BANK1: variants seen among roughly 807,000 people sequenced by gnomAD.
The protein encoded by BANK1 is B cell scaffold protein with ankyrin repeats 1.
Under a neutral mutation model 94.5 loss-of-function variants are expected in BANK1, and 95 were observed. The observed-to-expected ratio is 1.00, with a 90% CI of 0.85 to 1.19. The LOEUF (loss-of-function observed/expected upper bound fraction) is 1.19. BANK1 is among the 50% of genes most tolerant of loss of function. BANK1 has a pLI of 0.00. For missense variants in BANK1, 987 were observed against 932.2 expected (o/e 1.06, Z -0.77); for synonymous variants, 334 against 308.4 (o/e 1.08, Z -0.87).
intron 6 of BANK1, among the ~76,000 whole-genome samples, chr4:101,900,637 G>T (rs1463031434): frequency 6.6e-6 from 1 of 151,590 alleles, no homozygotes; most frequent in Non-Finnish European, 1.5e-5. Context: ...AGAGAGGACG[G>T]GTCTGTGTGT....
At chr4:101,988,999 T>C (rs917893374) in intron 7 of BANK1, among the ~76,000 whole-genome samples, 1 of 152,198 alleles carries the variant, frequency 6.6e-6, no homozygotes, top group East Asian at 1.9e-4. Context: ...TATATAACAT[T>C]CCTTATATAA....
In BANK1 at chr4:101,929,537, G is replaced by A. The variant is rs187084426; in HGVS notation, c.1206+11348G>A. On this transcript the variant is annotated intron_variant, in intron 7 of 16. Transcript: ENST00000322953. ...TTCTACTGTATATGGCTTTCAAAAC[G>A]AATGTAGGAAACAATATTTATCAAA... is the stretch of plus-strand genomic sequence containing the variant. 7.3e-5 allele frequency among the ~76,000 whole-genome samples: 11 copies of A among 151,522 alleles called. No individual in the cohort carries two copies. The East Asian group carries it at 1.8e-3, about 24-fold the overall frequency.
chr4:101,909,205 T>C (rs932240239), intron 6 of BANK1, among the ~76,000 whole-genome samples: 1 of 152,168 alleles, frequency 6.6e-6, no homozygotes, highest in Non-Finnish European at 1.5e-5. Flanking sequence ...TGGAATACTA[T>C]GCAGCCATAA....
chr4:101,832,091 A>G (rs989678802), intron 2 of BANK1, among the ~76,000 whole-genome samples: 1 of 152,220 alleles, frequency 6.6e-6, no homozygotes, highest in African/African-American at 2.4e-5. Context: ...GAATTGCTGA[A>G]TGTTTAAGAG....
chr4:101,940,807 G>A (rs1038010103), intron 7 of BANK1, among the ~76,000 whole-genome samples: 8 of 151,702 alleles, frequency 5.3e-5, no homozygotes, highest in Admixed American at 5.3e-4. Flanking sequence ...ATTGCTGATG[G>A]ATGTTTCCCT....
At chr4:101,836,887 C>T (rs2148866081) in intron 2 of BANK1, among the ~76,000 whole-genome samples, 1 of 152,298 alleles carries the variant, frequency 6.6e-6, no homozygotes, top group Middle Eastern at 3.4e-3. Context: ...CTTTCCCCAT[C>T]TTCTACATTC....
chr4:101,822,406 AAT>A (rs1464232723), intron 1 of BANK1, among the ~76,000 whole-genome samples: 3 of 151,962 alleles, frequency 2.0e-5, no homozygotes, highest in African/African-American at 7.2e-5. Context: ...ATGAGATAGT[AAT>A]GTTACTGATT....
chr4:101,997,760 T>C (rs1333390864), intron 7 of BANK1, among the ~76,000 whole-genome samples: 1 of 152,210 alleles, frequency 6.6e-6, no homozygotes, highest in African/African-American at 2.4e-5. Context: ...GTGGGATCAG[T>C]GGTAATATCC....
chr4:101,990,010 T>C (rs1358378828), intron 7 of BANK1, among the ~76,000 whole-genome samples: 2 of 152,172 alleles, frequency 1.3e-5, no homozygotes, highest in East Asian at 1.9e-4. Context: ...GTGGTGATAG[T>C]AGAAAATTAG....
At chr4:101,980,535 C>T (rs1444888227) in intron 7 of BANK1, among the ~76,000 whole-genome samples, 2 of 151,774 alleles carry the variant, frequency 1.3e-5, no homozygotes, top group Admixed American at 6.6e-5. Context: ...CCCCTCCTCC[C>T]GTTGCTCTTC....
At chr4:101,901,754 TG>T (rs1257052456) in intron 6 of BANK1, among the ~76,000 whole-genome samples, 4 of 42,208 alleles carry the variant, frequency 9.5e-5, no homozygotes, top group Non-Finnish European at 3.6e-4. Flanking sequence ...AGACGCTTTT[TG>T]TTTTTTTGTT....
intron 1 of BANK1, among the ~76,000 whole-genome samples, chr4:101,824,601 T>G (rs1726294080): frequency 6.6e-6 from 1 of 152,148 alleles, no homozygotes; most frequent in Non-Finnish European, 1.5e-5. Context: ...ATGATATATG[T>G]GTGTGTGATT....
At chr4:101,952,789 G>A (rs917053474) in intron 7 of BANK1, among the ~76,000 whole-genome samples, 1 of 152,052 alleles carries the variant, frequency 6.6e-6, no homozygotes, top group African/African-American at 2.4e-5. Context: ...GTTAAGAAAT[G>A]GCAAAGTAGA....
At chr4:101,826,918 A>G (rs911149709) in intron 1 of BANK1, among the ~76,000 whole-genome samples, 2 of 151,944 alleles carry the variant, frequency 1.3e-5, no homozygotes, top group African/African-American at 2.4e-5. Flanking sequence ...CATAAACCCA[A>G]TAATTCAATA....
At chr4:101,978,798 A>C (rs2148926472) in intron 7 of BANK1, among the ~76,000 whole-genome samples, 1 of 152,182 alleles carries the variant, frequency 6.6e-6, no homozygotes, top group Non-Finnish European at 1.5e-5. Context: ...ATACAGACTT[A>C]AATACAATAT....
At chr4:101,989,762 T>C (rs1560670571) in intron 7 of BANK1, among the ~76,000 whole-genome samples, 1 of 152,170 alleles carries the variant, frequency 6.6e-6, no homozygotes, top group African/African-American at 2.4e-5. Context: ...GTTATGTATT[T>C]TTTATAAGAA....
At chr4:101,833,424 G>A (rs1178922588) in intron 2 of BANK1, among the ~76,000 whole-genome samples, 1 of 152,200 alleles carries the variant, frequency 6.6e-6, no homozygotes, top group Admixed American at 6.5e-5. Context: ...TGCTTCCACA[G>A]ATGTAGACTG....
chr4:101,936,575 T>C (rs1046294695), intron 7 of BANK1, among the ~76,000 whole-genome samples: 4 of 150,716 alleles, frequency 2.7e-5, no homozygotes, highest in Non-Finnish European at 5.9e-5. Context: ...TGTATACGTG[T>C]ATGTGTGTGT....
intron 9 of BANK1, 23 bp downstream of exon 9, chr4:102,025,532 AC>A: frequency 1.3e-6 from 2 of 1,599,662 alleles, no homozygotes; most frequent in East Asian, 2.2e-5. Context: ...TTAGAAAAAA[AC>A]AAAACAAAAC....
Sources: allele counts gnomAD v4.1 joint callset (sites outside exome capture counted in the v4.1 genomes callset), GRCh38; gene constraint gnomAD v4.1.1; transcripts MANE v1.5; gene names NCBI Gene and HGNC (gene_info 2026-07-23, HGNC 2026-07-21).